DDX11: variants seen among roughly 807,000 people sequenced by gnomAD.
DDX11 encodes DEAD/H-box helicase 11, also known as ATP-dependent DNA helicase DDX11.
Under a neutral mutation model 125.2 loss-of-function variants are expected in DDX11, and 72 were observed. The ratio of observed to expected loss-of-function variants is 0.58; its 90% CI spans 0.48 to 0.70. The LOEUF (loss-of-function observed/expected upper bound fraction) is 0.70. Ranked by LOEUF, DDX11 falls within the 30% of genes least tolerant of loss-of-function variation. The probability of loss-of-function intolerance (pLI) is 0.00; values close to 1 mark genes in which losing one functional copy is unlikely to be tolerated. For synonymous variants in DDX11, 347 were observed against 452.6 expected, an observed-to-expected ratio of 0.77 and a Z score of 2.96; for missense variants, 883 against 1,165.0, an observed-to-expected ratio of 0.76 and a Z score of 3.52.
At position 31,096,904 on chromosome 12, in the gene DDX11, C is replaced by T. The variant is rs1352075817; in HGVS notation, c.1676C>T (p.Pro559Leu). The T allele has an allele frequency of 6.2e-7, 1 of 1,614,198 alleles. No homozygotes were observed. The highest frequency in any genetic ancestry group is 8.5e-7 in the Non-Finnish European group (1 of 1,180,044). Residue 559 changes from proline (P) to leucine (L), a missense_variant, in exon 17 of 27, where the codon CCA (proline) becomes CTA (leucine). By Grantham distance (98) the Pro-to-Leu change is moderately conservative (BLOSUM62 -3). This residue lies in a region of DDX11 where 241 missense variants were observed against 279.7 expected (regional missense o/e 0.86). Transcript: ENST00000542838. ...ADESQASTLRPASPLMHIQGF... is the reference protein window; with the variant it reads ...ADESQASTLRLASPLMHIQGF... ...GAGAGTCAGGCCAGCACCCTGCGACCAGCTTCTCCACTGATGCACATCCAA... is the reference window on the plus strand; with the variant it reads ...GAGAGTCAGGCCAGCACCCTGCGACTAGCTTCTCCACTGATGCACATCCAA...
chr12:31,100,601 C>T, intron 18 of DDX11, 34 bp from the exon 19 acceptor site: 9 of 1,548,668 alleles, frequency 5.8e-6, no homozygotes, highest in Non-Finnish European at 7.9e-6. Flanking sequence ...TCTGAGGGGT[C>T]ATGGGGCCGT....
At chr12:31,099,357 G>A (rs1945973963) in intron 18 of DDX11, among the ~76,000 whole-genome samples, 1 of 151,970 alleles carries the variant, frequency 6.6e-6, no homozygotes, top group African/African-American at 2.4e-5. Context: ...GGGATTACAG[G>A]CATGAGCCAC....
chr12:31,094,409 C>G (rs1349351988), intron 12 of DDX11, 181 bp from the exon 13 acceptor site: 1 of 1,104,424 alleles, frequency 9.1e-7, no homozygotes. Context: ...ATGGGAGGCT[C>G]CTGGACCCAC....
At chr12:31,081,495 G>C (rs1359188983) in intron 2 of DDX11, among the ~76,000 whole-genome samples, 1 of 151,916 alleles carries the variant, frequency 6.6e-6, no homozygotes, top group Non-Finnish European at 1.5e-5. Context: ...GGTGTGTGCT[G>C]TGCCTTGTGT....
chr12:31,104,038 T>C lies in DDX11; in HGVS notation c.*202T>C, dbSNP rs1441249394. Reference sequence around the variant, plus strand: ...AAATGGGGGAATCCTGAATGAACAGTGGGTCCTGGCTGTCCTTGGGGCGTT... The same window carrying C: ...AAATGGGGGAATCCTGAATGAACAGCGGGTCCTGGCTGTCCTTGGGGCGTT... On this transcript the variant is annotated 3_prime_UTR_variant, in exon 27 of 27. Transcript: ENST00000542838. 1.3e-6 allele frequency: 2 copies of C among 1,550,338 alleles called. No individual in the cohort carries two copies. Among genetic ancestry groups the C allele is most frequent in the South Asian group, 2.4e-5 (2 of 84,398 alleles).
At chr12:31,084,693 A>C (rs1424686096) in intron 4 of DDX11, 24 bp downstream of exon 4, 10 of 1,565,938 alleles carry the variant, frequency 6.4e-6, no homozygotes, top group Non-Finnish European at 7.0e-6. Context: ...CTTGGGGGGC[A>C]GGATTATGTC....
intron 1 of DDX11, among the ~76,000 whole-genome samples, chr12:31,075,743 T>C (rs563259543): frequency 1.3e-5 from 2 of 152,374 alleles, no homozygotes; most frequent in Admixed American, 1.3e-4. Context: ...TCGAAGCACC[T>C]AGTTCTGAGT....
intron 21 of DDX11, 40 bp from the exon 22 acceptor site, chr12:31,102,203 C>T: frequency 6.2e-7 from 1 of 1,606,204 alleles, no homozygotes; most frequent in Non-Finnish European, 8.5e-7. Flanking sequence ...GACCTGGCAC[C>T]CTGAACCTGT....
intron 2 of DDX11, among the ~76,000 whole-genome samples, chr12:31,079,622 T>A (rs1399707553): frequency 6.7e-6 from 1 of 148,718 alleles, no homozygotes; most frequent in African/African-American, 2.5e-5. Context: ...GCCAGATCTG[T>A]AGTAGAGTCA....
At position 31,083,918 on chromosome 12, in the gene DDX11, T is replaced by G; in HGVS notation, c.250T>G (p.Leu84Val). Reference protein sequence around the residue: ...ARLLETGTGPLHDEKDESLCL... With the variant: ...ARLLETGTGPVHDEKDESLCL... ...ACTCCTTGAAACTGGAACTGGCCCC[T>G]TACATGATGAGAAAGATGAATCCCT... is the stretch of plus-strand genomic sequence containing the variant. Residue 84 changes from leucine (L) to valine (V), a missense_variant, in exon 3 of 27, where the codon TTA (leucine) becomes GTA (valine). Coordinates refer to ENST00000542838, the MANE Select transcript of DDX11 (RefSeq NM_030653.4). 1 of 1,613,938 alleles carries G rather than the reference T, an allele frequency of 6.2e-7. No individual in the cohort carries two copies. The highest frequency in any genetic ancestry group is 8.5e-7 in the Non-Finnish European group (1 of 1,179,872).
chr12:31,078,750 C>T (rs1291845632), intron 2 of DDX11, among the ~76,000 whole-genome samples: 4 of 149,902 alleles, frequency 2.7e-5, no homozygotes, highest in African/African-American at 9.8e-5. Flanking sequence ...TGCAGTGGGA[C>T]GATCTCGGCT....
At position 31,101,920 on chromosome 12, in the gene DDX11, C is replaced by T. The variant is rs578127444; in HGVS notation, c.2140C>T (p.Arg714Cys). Reference protein sequence around the residue: ...VCFFPSYEYLRQVHAHWEKGG... With the variant: ...VCFFPSYEYLCQVHAHWEKGG... ...TTTCTTCCCCTCCTACGAGTACCTG[C>T]GCCAGGTCCATGCCCACTGGGAGAA... The change falls in exon 21 of 27, where the codon CGC becomes TGC. Residue 714 changes from arginine (R) to cysteine (C), a missense_variant. Coordinates refer to ENST00000542838, the MANE Select transcript of DDX11 (RefSeq NM_030653.4). The T allele has an allele frequency of 1.1e-5, 17 of 1,613,854 alleles. No homozygotes were observed. Among genetic ancestry groups the T allele is most frequent in the South Asian group, 6.6e-5 (6 of 91,076 alleles).
intron 1 of DDX11, among the ~76,000 whole-genome samples, chr12:31,077,275 A>T (rs1385954142): frequency 6.6e-6 from 1 of 152,004 alleles, no homozygotes; most frequent in Non-Finnish European, 1.5e-5. Flanking sequence ...TGTCTCAGAG[A>T]TAATTAGGTT....
At chr12:31,087,701 G>A in intron 5 of DDX11, 1 of 646,910 alleles carries the variant, frequency 1.5e-6, no homozygotes, top group East Asian at 3.2e-5. Context: ...GACTTGGGTT[G>A]GGGGTGCTGA....
intron 12 of DDX11, among the ~76,000 whole-genome samples, chr12:31,093,898 C>T (rs568722323): frequency 6.8e-6 from 1 of 147,934 alleles, no homozygotes; most frequent in South Asian, 2.2e-4. Flanking sequence ...AAGGATACAG[C>T]ATCACATAGA....
At chr12:31,100,162 A>T (rs1195671906) in intron 18 of DDX11, among the ~76,000 whole-genome samples, 1 of 152,166 alleles carries the variant, frequency 6.6e-6, no homozygotes, top group Non-Finnish European at 1.5e-5. Context: ...TGGGTTAAAA[A>T]GTATAAATAT....
chr12:31,083,369 C>G (rs1187004560), intron 2 of DDX11, among the ~76,000 whole-genome samples: 1 of 151,352 alleles, frequency 6.6e-6, no homozygotes, highest in Non-Finnish European at 1.5e-5. Context: ...CATGACTGAT[C>G]ATCCTGTATC....
intron 20 of DDX11, chr12:31,101,596 C>G (rs1946391651): frequency 1.7e-6 from 1 of 579,372 alleles, no homozygotes; most frequent in Non-Finnish European, 3.1e-6. Context: ...CCTAGGGACG[C>G]TAGTGCTGTG....
At chr12:31,095,965 C>T (rs1241328380) in intron 14 of DDX11, among the ~76,000 whole-genome samples, 1 of 152,186 alleles carries the variant, frequency 6.6e-6, no homozygotes, top group Admixed American at 6.5e-5. Context: ...CTGCCCCAGC[C>T]CCTGAGCAGG....
Sources: allele counts gnomAD v4.1 joint callset (sites outside exome capture counted in the v4.1 genomes callset), GRCh38; gene constraint gnomAD v4.1.1; regional missense constraint gnomAD v4.1.1; transcripts MANE v1.5; gene names NCBI Gene and HGNC (gene_info 2026-07-23, HGNC 2026-07-21).